Variants in TSEN2 observed in about 807,000 individuals in gnomAD.
The protein encoded by TSEN2 is tRNA-splicing endonuclease subunit Sen2.
Under a neutral mutation model 59.2 loss-of-function variants are expected in TSEN2, and 54 were observed. That is an observed-to-expected ratio of 0.91 (90% CI 0.73 to 1.14). The LOEUF (loss-of-function observed/expected upper bound fraction) is 1.14, where lower values mean the gene tolerates loss of function less well. Ranked by LOEUF, TSEN2 falls within the 50% of genes most tolerant of loss-of-function variation. The pLI, the probability that TSEN2 is intolerant of heterozygous loss-of-function variation, is 0.00. For missense variants in TSEN2, 636 were observed against 576.2 expected (o/e 1.10, Z -1.06); for synonymous variants, 195 against 198.2 (o/e 0.98, Z 0.14).
At chr3:12,492,379 G>T (rs1294215997) in intron 3 of TSEN2, among the ~76,000 whole-genome samples, 162 bp downstream of exon 3, 1 of 152,202 alleles carries the variant, frequency 6.6e-6, no homozygotes, top group Non-Finnish European at 1.5e-5. Context: ...AAGCAAAAGG[G>T]TTATGATTGG....
intron 8 of TSEN2, among the ~76,000 whole-genome samples, chr3:12,522,387 A>T (rs996095647): frequency 1.3e-5 from 2 of 152,162 alleles, no homozygotes; most frequent in Non-Finnish European, 2.9e-5. Flanking sequence ...CATTAATTGT[A>T]CAATTAATGT....
At chr3:12,512,995 TG>T (rs1279955865) in intron 6 of TSEN2, among the ~76,000 whole-genome samples, 1 of 152,218 alleles carries the variant, frequency 6.6e-6, no homozygotes, top group African/African-American at 2.4e-5. Flanking sequence ...CTAATGAGAT[TG>T]CAGGGGATGT....
intron 1 of TSEN2, among the ~76,000 whole-genome samples, chr3:12,487,300 C>T (rs2052717039): frequency 6.6e-6 from 1 of 152,206 alleles, no homozygotes. Flanking sequence ...TGTTTTGTCG[C>T]AGGGACCCTT....
At chr3:12,509,849 C>T (rs544920971) in intron 6 of TSEN2, among the ~76,000 whole-genome samples, 25 of 152,304 alleles carry the variant, frequency 1.6e-4, no homozygotes, top group Admixed American at 1.5e-3. Context: ...AAGGCCCCAC[C>T]ACCTGCCTTT....
At chr3:12,480,528 G>GTTTTTTTTTTTTTTTTTTTT (rs752340308), upstream of TSEN2, among the ~76,000 whole-genome samples, 6 of 91,738 alleles carry the variant, frequency 6.5e-5, no homozygotes, top group African/African-American at 1.4e-4. Flanking sequence ...TTGTTTCTTT[G>GTTTTTTTTTTTTTTTTTTTT]TTTTTTTTTT....
chr3:12,536,651 A>G (rs1016293451), downstream of TSEN2, among the ~76,000 whole-genome samples: 6 of 152,172 alleles, frequency 3.9e-5, no homozygotes, highest in East Asian at 1.9e-4. Context: ...GTGTAAATCA[A>G]TGGCTGATTT....
In TSEN2 at chr3:12,509,193, T is replaced by G. The variant is rs537676924; in HGVS notation, c.909+3962T>G. Reference sequence around the variant, plus strand: ...TGTCAACTTTGGGGGTTTTTTTTGGTTTTTTTTGTTGTTGTTTTTTTTTTT... The same window carrying G: ...TGTCAACTTTGGGGGTTTTTTTTGGGTTTTTTTGTTGTTGTTTTTTTTTTT... On this transcript the variant is annotated intron_variant, in intron 6 of 11. Transcript: ENST00000284995. 3.6e-4 allele frequency among the ~76,000 whole-genome samples: 46 copies of G among 128,186 alleles called. No individual in the cohort carries two copies. In the East Asian group the frequency reaches 5.1e-3, roughly 14 times the overall value. The allele number at this position is 128,186 out of a possible 152,430, so 84.1% of individuals were successfully genotyped here. A position where few individuals can be genotyped will look rare whatever the true frequency, so the allele number is the denominator to read the frequency against.
chr3:12,537,709 C>T (rs1201280029), downstream of TSEN2, among the ~76,000 whole-genome samples: 3 of 152,060 alleles, frequency 2.0e-5, no homozygotes, highest in Non-Finnish European at 2.9e-5. Flanking sequence ...TGGTTTGAAC[C>T]CCAGTTTTGC....
intron 1 of TSEN2, among the ~76,000 whole-genome samples, chr3:12,486,969 G>A (rs1367538309): frequency 6.6e-6 from 1 of 152,134 alleles, no homozygotes; most frequent in Non-Finnish European, 1.5e-5. Flanking sequence ...CCACTTTGAT[G>A]CTATTATGAA....
At chr3:12,530,573 C>G (rs1347259100) in intron 10 of TSEN2, 2 of 985,424 alleles carry the variant, frequency 2.0e-6, no homozygotes, top group African/African-American at 3.5e-5. Context: ...TAGATACCCT[C>G]TAATTTCATC....
intron 6 of TSEN2, among the ~76,000 whole-genome samples, chr3:12,507,312 T>C (rs956100520): frequency 3.9e-5 from 6 of 152,226 alleles, no homozygotes; most frequent in Admixed American, 1.3e-4. Flanking sequence ...AGCAGATGCG[T>C]AGGCATTCCC....
chr3:12,510,282 CCTCA>C (rs1479305003), intron 6 of TSEN2, among the ~76,000 whole-genome samples: 1 of 152,176 alleles, frequency 6.6e-6, no homozygotes, highest in Non-Finnish European at 1.5e-5. Context: ...TGCTGAGTTT[CCTCA>C]CTCACTCTGT....
intron 6 of TSEN2, among the ~76,000 whole-genome samples, chr3:12,512,355 A>G (rs977810804): frequency 7.2e-5 from 11 of 152,222 alleles, no homozygotes; most frequent in African/African-American, 2.7e-4. Context: ...CTCACATGAA[A>G]AAACACTTCT....
At chr3:12,506,701 T>G (rs1453169583) in intron 6 of TSEN2, 1 of 985,288 alleles carries the variant, frequency 1.0e-6, no homozygotes, top group Non-Finnish European at 1.2e-6. Flanking sequence ...CTTGCTTATG[T>G]TGATAGTGCA....
chr3:12,525,051 ATCT>A (rs1384848665), intron 8 of TSEN2, among the ~76,000 whole-genome samples: 5 of 151,894 alleles, frequency 3.3e-5, no homozygotes, highest in African/African-American at 1.2e-4. Flanking sequence ...GCCTCTTTTA[ATCT>A]GACATGGTCA....
downstream of TSEN2, among the ~76,000 whole-genome samples, chr3:12,533,832 T>A (rs1046654998): frequency 1.3e-5 from 2 of 152,192 alleles, no homozygotes; most frequent in Non-Finnish European, 1.5e-5. Flanking sequence ...ATGTTTGTTA[T>A]ATTTAATTTG....
intron 10 of TSEN2, chr3:12,530,135 G>A: frequency 1.5e-6 from 2 of 1,362,368 alleles, no homozygotes; most frequent in Non-Finnish European, 1.9e-6. Context: ...GTCCCATGGT[G>A]ATCTGATCTG....
chr3:12,531,323 G>A (rs2057445044), intron 10 of TSEN2: 1 of 486,016 alleles, frequency 2.1e-6, no homozygotes, highest in Non-Finnish European at 3.7e-6. Flanking sequence ...TATTCTTAAT[G>A]CTGTGTTTAT....
chr3:12,513,120 C>T (rs1035975371), intron 6 of TSEN2, among the ~76,000 whole-genome samples: 4 of 152,164 alleles, frequency 2.6e-5, no homozygotes, highest in African/African-American at 9.7e-5. Context: ...TCGCATTTTG[C>T]ATAGATGATC....
Sources: gnomAD v4.1 joint callset for allele counts (sites outside exome capture counted in the v4.1 genomes callset) on GRCh38, gnomAD v4.1.1 for gene constraint, MANE v1.5 for transcripts, NCBI Gene and HGNC (gene_info 2026-07-23, HGNC 2026-07-21) for gene names.